Variants in ADCY3 observed in about 807,000 individuals in gnomAD.
ADCY3 encodes the protein adenylate cyclase type 3.
Under a neutral mutation model 119.4 loss-of-function variants are expected in ADCY3, and 70 were observed. The observed-to-expected ratio is 0.59, with a 90% CI of 0.48 to 0.72. The LOEUF is 0.72. Ranked by LOEUF, ADCY3 falls within the 30% of genes least tolerant of loss-of-function variation. The probability of loss-of-function intolerance (pLI) is 0.00; values close to 1 mark genes in which losing one functional copy is unlikely to be tolerated. For synonymous variants in ADCY3, 672 were observed against 621.4 expected, an observed-to-expected ratio of 1.08 and a Z score of -1.21; for missense variants, 1,238 against 1,541.6, an observed-to-expected ratio of 0.80 and a Z score of 3.30.
In ADCY3 at chr2:24,841,793, C is replaced by T. The variant is rs1020406670; in HGVS notation, c.957-126G>A. On this transcript the variant is annotated intron_variant, in intron 4 of 21. Coordinates refer to ENST00000679454, the MANE Select transcript of ADCY3 (RefSeq NM_004036.5). The surrounding 1 kb of genome is among the most constrained non-coding windows in gnomAD (Gnocchi z 5.8). ...GGCAGGAGAAGGTCCTCCCTCACGACCCCCAGACAGTGAGACCCTGACCCT... is the reference window on the plus strand; with the variant it reads ...GGCAGGAGAAGGTCCTCCCTCACGATCCCCAGACAGTGAGACCCTGACCCT... 2.9e-6 allele frequency: 2 copies of T among 694,558 alleles called. No individual in the cohort carries two copies. The highest frequency in any genetic ancestry group is 5.1e-6 in the Non-Finnish European group (2 of 394,594). 43.0% of individuals were successfully genotyped at this position (694,558 alleles called of 1,614,324 possible).
intron 3 of ADCY3, among the ~76,000 whole-genome samples, chr2:24,860,216 C>T (rs989023580): frequency 2.6e-5 from 4 of 152,198 alleles, no homozygotes; most frequent in Admixed American, 2.6e-4. Flanking sequence ...CCGCCTGTTG[C>T]CAGGTGGCGG....
chr2:24,895,261 T>C lies in ADCY3; in HGVS notation c.676-22542A>G, dbSNP rs540098776. 2.4e-3 allele frequency among the ~76,000 whole-genome samples: 361 copies of C among 147,532 alleles called. 2 individuals are homozygous for C. Among genetic ancestry groups the C allele is most frequent in the African/African-American group, 9.0e-3 (343 of 38,260 alleles). ...ACACACCACCACGCCCAGCTAATTT[T>C]TGTATTTTTAGGAGAGACGGGGTTT... is the stretch of plus-strand genomic sequence containing the variant. On this transcript the variant is annotated intron_variant, in intron 2 of 21. Coordinates refer to ENST00000679454, the MANE Select transcript of ADCY3 (RefSeq NM_004036.5).
chr2:24,828,973 G>T (rs1669023484), intron 13 of ADCY3, among the ~76,000 whole-genome samples: 1 of 152,090 alleles, frequency 6.6e-6, no homozygotes, highest in African/African-American at 2.4e-5. Context: ...GCCAAGGTAG[G>T]CTCTGGAGCC....
chr2:24,912,302 G>GA (rs367822938), intron 2 of ADCY3, among the ~76,000 whole-genome samples: 140 of 109,774 alleles, frequency 1.3e-3, no homozygotes, highest in African/African-American at 1.9e-3. Flanking sequence ...GTCTCTATTT[G>GA]AAAAAAAAAA....
At chr2:24,915,909 C>A (rs910683335) in intron 2 of ADCY3, among the ~76,000 whole-genome samples, 1 of 152,098 alleles carries the variant, frequency 6.6e-6, no homozygotes, top group Non-Finnish European at 1.5e-5. Context: ...GGTGGGTGGG[C>A]CTGGGAACCC....
chr2:24,821,056 C>T (rs934124551), intron 20 of ADCY3: 15 of 648,198 alleles, frequency 2.3e-5, no homozygotes, highest in South Asian at 6.3e-5. Context: ...CACCCCCCCC[C>T]CATATGCAGA....
chr2:24,866,082 C>T (rs1324688729), intron 3 of ADCY3, among the ~76,000 whole-genome samples: 1 of 152,064 alleles, frequency 6.6e-6, no homozygotes, highest in African/African-American at 2.4e-5. Flanking sequence ...GGCAAGAGAC[C>T]AAGAATCCAA....
In ADCY3 at chr2:24,830,060, T is replaced by TG. The variant is rs36176963; in HGVS notation, c.2172+648dup. 2.3e-4 allele frequency among the ~76,000 whole-genome samples: 10 copies of TG among 44,400 alleles called. No individual in the cohort carries two copies. In the East Asian group the frequency reaches 8.7e-3, roughly 39 times the overall value. The allele number at this position is 44,400 out of a possible 152,430, so 29.1% of individuals were successfully genotyped here. On this transcript the variant is annotated intron_variant, in intron 13 of 21. Coordinates refer to ENST00000679454, the MANE Select transcript of ADCY3 (RefSeq NM_004036.5). ...GTGAATTACCTTTTTTTTTTTTTTT[T>TG]GAGACGGAGTCTTGCTGTCGCCTAG...
At chr2:24,865,368 C>T (rs1674150705) in intron 3 of ADCY3, among the ~76,000 whole-genome samples, 1 of 151,936 alleles carries the variant, frequency 6.6e-6, no homozygotes, top group African/African-American at 2.4e-5. Flanking sequence ...TCGCTTAAAC[C>T]CAGGAGGCGG....
At position 24,838,880 on chromosome 2, in the gene ADCY3, C is replaced by T. The variant is rs766923415; in HGVS notation, c.1356-258G>A. On this transcript the variant is annotated intron_variant, in intron 7 of 21. Coordinates refer to ENST00000679454, the MANE Select transcript of ADCY3 (RefSeq NM_004036.5). Reference sequence around the variant, plus strand: ...CAGCCTCAGTGTTGGAGCCACGACACAGGAGTACAATCTTTCTTCAATCTT... The same window carrying T: ...CAGCCTCAGTGTTGGAGCCACGACATAGGAGTACAATCTTTCTTCAATCTT... 12 of 1,593,856 alleles carry T rather than the reference C, an allele frequency of 7.5e-6. 1 individual carries two copies. The highest frequency in any genetic ancestry group is 6.7e-5 in the South Asian group (6 of 90,080).
chr2:24,910,222 G>A (rs1475578549), intron 2 of ADCY3, among the ~76,000 whole-genome samples: 2 of 151,998 alleles, frequency 1.3e-5, no homozygotes, highest in East Asian at 3.9e-4. Flanking sequence ...ATTCTTTTTT[G>A]AGACCGGTCT....
In ADCY3 at chr2:24,920,016, C is replaced by T. The variant is rs901640380; in HGVS notation, c.-531G>A. Among the ~76,000 whole-genome samples, 20 of 146,622 alleles carry T rather than the reference C, an allele frequency of 1.4e-4. No homozygotes were observed. The highest frequency in any genetic ancestry group is 3.5e-3 in the Middle Eastern group (1 of 288). On this transcript the variant is annotated 5_prime_UTR_variant, in exon 1 of 22. Transcript: ENST00000679454. This position sits in a 1 kb window ranked among gnomAD's most constrained non-coding sequence, Gnocchi z 4.5. ...TGCGGGGGCCGGCAGGCGCGGGCGG[C>T]GGCGAGCGCGGCTCTCCGGACCCCT...
intron 9 of ADCY3, among the ~76,000 whole-genome samples, chr2:24,835,288 G>A (rs1282011867): frequency 6.6e-6 from 1 of 152,186 alleles, no homozygotes; most frequent in Non-Finnish European, 1.5e-5. Flanking sequence ...GGCACTTCCT[G>A]CTGTATTGAT....
intron 3 of ADCY3, among the ~76,000 whole-genome samples, chr2:24,851,539 A>G (rs1198244550): frequency 6.6e-6 from 1 of 152,140 alleles, no homozygotes; most frequent in African/African-American, 2.4e-5. Flanking sequence ...TAGACCCTGA[A>G]CCCAGGGCTC....
intron 2 of ADCY3, among the ~76,000 whole-genome samples, chr2:24,886,022 A>G (rs1676982883): frequency 6.6e-6 from 1 of 152,346 alleles, no homozygotes; most frequent in Non-Finnish European, 1.5e-5. Flanking sequence ...TTGCTAATAT[A>G]TGTGGATTCT....
Position 24,842,628 on chromosome 2 carries a change from C to T in ADCY3, c.826-244G>A, listed in dbSNP as rs1671155753. On this transcript the variant is annotated intron_variant, in intron 3 of 21. Transcript: ENST00000679454. The surrounding 1 kb of genome is among the most constrained non-coding windows in gnomAD (Gnocchi z 4.9). ...GAGCAACTGAGGGGAGCCAGAAACG[C>T]AGTGAAGCATCCCAACGTGGCTCTG... The T allele has an allele frequency of 5.9e-6, 3 of 508,324 alleles. No individual in the cohort carries two copies. Among genetic ancestry groups the T allele is most frequent in the Non-Finnish European group, 1.1e-5 (3 of 279,794 alleles). 31.5% of individuals were successfully genotyped at this position (508,324 alleles called of 1,614,324 possible).
chr2:24,892,509 C>T (rs1455674122), intron 2 of ADCY3, among the ~76,000 whole-genome samples: 3 of 152,208 alleles, frequency 2.0e-5, no homozygotes, highest in Non-Finnish European at 1.5e-5. Flanking sequence ...CCTCGGCCTC[C>T]CAAAGTGCTG....
At chr2:24,860,041 G>A (rs905932293) in intron 3 of ADCY3, among the ~76,000 whole-genome samples, 3 of 152,202 alleles carry the variant, frequency 2.0e-5, no homozygotes, top group Non-Finnish European at 2.9e-5. Flanking sequence ...CACACAGGAC[G>A]CGTGTGAAGG....
intron 2 of ADCY3, among the ~76,000 whole-genome samples, chr2:24,891,199 C>G (rs948531313): frequency 9.8e-5 from 15 of 152,296 alleles, no homozygotes; most frequent in Middle Eastern, 3.4e-3. Context: ...ATACAGTAGT[C>G]TCCCTTATCT....
Sources: gnomAD v4.1 joint callset for allele counts (sites outside exome capture counted in the v4.1 genomes callset) on GRCh38, gnomAD v4.1.1 for gene constraint, Gnocchi (gnomAD v3.1) non-coding constraint, MANE v1.5 for transcripts, NCBI Gene and HGNC (gene_info 2026-07-23, HGNC 2026-07-21) for gene names.